The following VDAC3 variants were observed in gnomAD, a reference collection of about 807,000 sequenced individuals.
VDAC3 encodes non-selective voltage-gated ion channel VDAC3.
In VDAC3, 7 loss-of-function variants were observed where a neutral mutation model predicts 33.9. The observed-to-expected ratio is 0.21, with a 90% confidence interval of 0.12 to 0.39. The LOEUF is 0.39. Ranked by LOEUF, VDAC3 falls within the 10% of genes least tolerant of loss-of-function variation. The pLI is 1.00. For missense variants in VDAC3, 261 were observed against 334.5 expected, an observed-to-expected ratio of 0.78 and a Z score of 1.71; for synonymous variants, 100 against 122.4, an observed-to-expected ratio of 0.82 and a Z score of 1.21.
chr8:42,401,515 T>C (rs986404614), intron 6 of VDAC3, among the ~76,000 whole-genome samples: 5 of 152,188 alleles, frequency 3.3e-5, no homozygotes, highest in Non-Finnish European at 7.4e-5. Flanking sequence ...TCTTATACTT[T>C]TGTTCATGCT....
chr8:42,404,186 A>T (rs1055457068), intron 8 of VDAC3, among the ~76,000 whole-genome samples: 3 of 152,144 alleles, frequency 2.0e-5, no homozygotes, highest in African/African-American at 7.2e-5. Flanking sequence ...AGATGAGAAA[A>T]CTGAGCCTTA....
At chr8:42,394,140 G>T in intron 2 of VDAC3, 70 bp from the exon 3 acceptor site, 1 of 1,380,764 alleles carries the variant, frequency 7.2e-7, no homozygotes, top group Non-Finnish European at 1.0e-6. Flanking sequence ...GGATTAAACA[G>T]CAGAAGAACT....
chr8:42,396,213 G>A (rs1188829170), intron 4 of VDAC3, among the ~76,000 whole-genome samples: 4 of 152,130 alleles, frequency 2.6e-5, no homozygotes, highest in Middle Eastern at 3.2e-3. Flanking sequence ...AGCAGAGATC[G>A]TGCCACTGTA....
chr8:42,403,083 G>A, intron 7 of VDAC3: 3 of 527,554 alleles, frequency 5.7e-6, no homozygotes, highest in Non-Finnish European at 1.0e-5. Context: ...ATCATGTGGA[G>A]GAGCCAAGTA....
chr8:42,394,740 A>AT (rs577061878), intron 3 of VDAC3, among the ~76,000 whole-genome samples: 16 of 152,156 alleles, frequency 1.1e-4, no homozygotes, highest in Middle Eastern at 3.4e-3. Context: ...TACATATTTG[A>AT]TTTTTTCTTA....
rs547892515 is a variant in VDAC3, at chr8:42,403,288, C to T, written c.552-23C>T. On this transcript the variant is annotated intron_variant, in intron 7 of 9. Coordinates refer to ENST00000022615, the MANE Select transcript of VDAC3 (RefSeq NM_005662.7). Reference sequence around the variant, plus strand: ...AATGGTACAAACTAGATATTTATGACGTTTTCTTATCTATGAAAACAGGAA... The same window carrying T: ...AATGGTACAAACTAGATATTTATGATGTTTTCTTATCTATGAAAACAGGAA... The T allele has an allele frequency of 4.3e-5, 70 of 1,612,446 alleles. No homozygotes were observed. The Middle Eastern group carries it at 6.6e-4, about 15-fold the overall frequency.
chr8:42,401,397 A>G (rs375586740), intron 6 of VDAC3, among the ~76,000 whole-genome samples: 15 of 152,266 alleles, frequency 9.9e-5, no homozygotes, highest in African/African-American at 3.6e-4. Flanking sequence ...GGGTTTCACC[A>G]TGTTGGCCAG....
chr8:42,401,191 T>C (rs1459134617), intron 6 of VDAC3, among the ~76,000 whole-genome samples: 2 of 152,120 alleles, frequency 1.3e-5, no homozygotes, highest in Admixed American at 6.5e-5. Flanking sequence ...CACTGAAATA[T>C]CTTATTCATT....
rs868457342 is a variant in VDAC3, at chr8:42,392,117, A to G, written c.-43+189A>G. Among the ~76,000 whole-genome samples the G allele has an allele frequency of 3.3e-5, 5 of 152,260 alleles. No individual in the cohort carries two copies. In the South Asian group the frequency reaches 1.0e-3, roughly 32 times the overall value. ...GGGCCACCTCAGGCGATGGAGCCGC[A>G]GCACGGCGGGGCAAGTGGCCTCCGG... On this transcript the variant is annotated intron_variant, in intron 1 of 9. Transcript: ENST00000022615.
Position 42,403,374 on chromosome 8 carries a change from C to T in VDAC3, c.615C>T (p.Ser205=). Residue 205 remains serine (S), a synonymous_variant, in exon 8 of 10, where the codon TCC becomes TCT. Coordinates refer to ENST00000022615, the MANE Select transcript of VDAC3 (RefSeq NM_005662.7). ...YQKVNEKIET[S]INLAWTAGSN... ...AGGTGAATGAGAAGATTGAAACATC[C>T]ATAAACCTTGCTTGGACAGCTGGGA... is the stretch of plus-strand genomic sequence containing the variant. The T allele has an allele frequency of 1.2e-6, 2 of 1,613,784 alleles. No individual in the cohort carries two copies. The highest frequency in any genetic ancestry group is 1.7e-6 in the Non-Finnish European group (2 of 1,179,922).
chr8:42,394,391 C>A, intron 3 of VDAC3, 113 bp downstream of exon 3: 1 of 936,442 alleles, frequency 1.1e-6, no homozygotes, highest in Non-Finnish European at 1.6e-6. Flanking sequence ...TTCCACTTCA[C>A]AAGATTTAAG....
intron 4 of VDAC3, chr8:42,397,029 G>A (rs773648184): frequency 1.4e-5 from 3 of 207,986 alleles, no homozygotes; most frequent in African/African-American, 2.3e-5. Flanking sequence ...TTTTAGATTC[G>A]TGACAGACCT....
At chr8:42,396,721 T>C (rs1802323824) in intron 4 of VDAC3, 1 of 680,542 alleles carries the variant, frequency 1.5e-6, no homozygotes, top group Non-Finnish European at 2.6e-6. Context: ...TTTTTATGGC[T>C]GCTTTTGGTT....
chr8:42,395,796 A>G (rs145065175), intron 4 of VDAC3, among the ~76,000 whole-genome samples: 1,768 of 151,452 alleles, frequency 0.012, 21 homozygotes, highest in Middle Eastern at 0.037. Flanking sequence ...CGTCTCTACT[A>G]AAAATATACC....
intron 1 of VDAC3, 176 bp from the exon 2 acceptor site, chr8:42,393,669 A>G: frequency 2.7e-6 from 1 of 373,602 alleles, no homozygotes; most frequent in Non-Finnish European, 4.8e-6. Flanking sequence ...GGGTAAAATT[A>G]TAGCACTTTA....
chr8:42,393,136 TTA>T (rs1295718466), intron 1 of VDAC3, among the ~76,000 whole-genome samples: 4 of 152,208 alleles, frequency 2.6e-5, no homozygotes, highest in Admixed American at 6.5e-5. Flanking sequence ...TTTGACAGGT[TTA>T]TGTTAAGGAA....
chr8:42,400,103 C>T (rs898880906), intron 6 of VDAC3, among the ~76,000 whole-genome samples: 14 of 151,974 alleles, frequency 9.2e-5, no homozygotes, highest in Non-Finnish European at 1.5e-4. Context: ...TTTGGGAGGC[C>T]GAGATGGGCG....
Position 42,403,429 on chromosome 8 carries a change from A to G in VDAC3, c.670A>G (p.Lys224Glu). ...CAACACCCGTTTTGGCATTGCTGCT[A>G]AGTACATGCTGGATTGTAGAACTTC... Reference protein sequence around the residue: ...SNNTRFGIAAKYMLDCRTSLS... With the variant: ...SNNTRFGIAAEYMLDCRTSLS... The change falls in exon 8 of 10, where the codon AAG becomes GAG. Residue 224 changes from lysine to glutamate, a missense_variant. By Grantham distance (56) the Lys-to-Glu change is moderately conservative. Coordinates refer to ENST00000022615, the MANE Select transcript of VDAC3 (RefSeq NM_005662.7). 3 of 1,608,352 alleles carry G rather than the reference A, an allele frequency of 1.9e-6. No individual in the cohort carries two copies. The highest frequency in any genetic ancestry group is 2.5e-6 in the Non-Finnish European group (3 of 1,177,880).
chr8:42,396,760 TC>T (rs1802326274), intron 4 of VDAC3: 5 of 656,892 alleles, frequency 7.6e-6, no homozygotes, highest in Non-Finnish European at 8.1e-6. Flanking sequence ...TAAATTTCAA[TC>T]ATTGTTCCAA....
Sources: allele counts gnomAD v4.1 joint callset (sites outside exome capture counted in the v4.1 genomes callset), GRCh38; gene constraint gnomAD v4.1.1; transcripts MANE v1.5; gene names NCBI Gene and HGNC (gene_info 2026-07-23, HGNC 2026-07-21).